Variants in GALNT2 observed in about 807,000 individuals in gnomAD.
The protein encoded by GALNT2 is UDP-GalNAc:polypeptide N-acetylgalactosaminyltransferase 2.
GALNT2 carries 31 observed loss-of-function variants against 81.4 expected under a neutral mutation model. The observed-to-expected ratio is 0.38, with a 90% CI of 0.29 to 0.51. The LOEUF (loss-of-function observed/expected upper bound fraction) is 0.51. Among genes scored for constraint, GALNT2 ranks in the 20% least tolerant of loss-of-function variants. GALNT2 has a pLI of 0.87. For synonymous variants in GALNT2, 303 were observed against 287.4 expected, an observed-to-expected ratio of 1.05 and a Z score of -0.55; for missense variants, 629 against 765.7, an observed-to-expected ratio of 0.82 and a Z score of 2.11.
At chr1:230,071,919 C>T (rs185837765) in intron 1 of GALNT2, among the ~76,000 whole-genome samples, 14 of 152,276 alleles carry the variant, frequency 9.2e-5, no homozygotes, top group South Asian at 4.1e-4. Context: ...GCAAAAGTAA[C>T]GAGCTCTTCC....
intron 1 of GALNT2, among the ~76,000 whole-genome samples, chr1:230,117,441 T>G (rs1660878929): frequency 6.6e-6 from 1 of 152,242 alleles, no homozygotes; most frequent in Non-Finnish European, 1.5e-5. Flanking sequence ...TCACTAAGCT[T>G]AATCATTATC....
chr1:230,246,330 G>A (rs1428872932), intron 8 of GALNT2, among the ~76,000 whole-genome samples, 180 bp downstream of exon 8: 1 of 152,160 alleles, frequency 6.6e-6, no homozygotes, highest in African/African-American at 2.4e-5. Context: ...AAAAAAATAG[G>A]CTTGCTCCCT....
chr1:230,146,932 C>T (rs917184381), intron 1 of GALNT2, among the ~76,000 whole-genome samples: 5 of 152,082 alleles, frequency 3.3e-5, no homozygotes, highest in African/African-American at 1.2e-4. Context: ...TGTCAGATCT[C>T]GGTGTCTGTC....
At chr1:230,236,261 G>A in intron 4 of GALNT2, 92 bp from the exon 5 acceptor site, 1 of 1,417,480 alleles carries the variant, frequency 7.1e-7, no homozygotes, top group Non-Finnish European at 9.9e-7. Context: ...TCCAACCAAG[G>A]GTTAGGACCA....
At chr1:230,121,404 C>A (rs535663581) in intron 1 of GALNT2, among the ~76,000 whole-genome samples, 25 of 152,298 alleles carry the variant, frequency 1.6e-4, no homozygotes, top group African/African-American at 6.0e-4. Context: ...GCTTTCCTGC[C>A]CTCCCCTGTT....
chr1:230,183,223 T>G (rs1418365194), intron 2 of GALNT2, among the ~76,000 whole-genome samples: 2 of 152,232 alleles, frequency 1.3e-5, no homozygotes, highest in Non-Finnish European at 2.9e-5. Flanking sequence ...TTTTCGATTC[T>G]CACAATCTTG....
chr1:230,160,867 G>T (rs967134761), intron 1 of GALNT2, among the ~76,000 whole-genome samples: 3 of 151,820 alleles, frequency 2.0e-5, no homozygotes, highest in East Asian at 3.9e-4. Flanking sequence ...CCCAAATAGG[G>T]TTTTTTTTGG....
At chr1:230,204,306 T>C (rs907258100) in intron 3 of GALNT2, among the ~76,000 whole-genome samples, 1 of 152,056 alleles carries the variant, frequency 6.6e-6, no homozygotes, top group Non-Finnish European at 1.5e-5. Context: ...GTATCTGGAA[T>C]TACAGCTGCC....
chr1:230,186,329 TCTGA>T (rs1253261235), intron 2 of GALNT2, among the ~76,000 whole-genome samples: 1 of 152,150 alleles, frequency 6.6e-6, no homozygotes, highest in African/African-American at 2.4e-5. Flanking sequence ...CTCCAGGAAC[TCTGA>T]CTGGACGCAT....
chr1:230,169,501 T>G (rs976459315), intron 1 of GALNT2, among the ~76,000 whole-genome samples: 6 of 152,218 alleles, frequency 3.9e-5, no homozygotes, highest in African/African-American at 1.4e-4. Context: ...CCGATGGCCA[T>G]TTCATCTGTG....
At chr1:230,178,482 G>T (rs375078327) in intron 2 of GALNT2, among the ~76,000 whole-genome samples, 171 bp downstream of exon 2, 2 of 151,874 alleles carry the variant, frequency 1.3e-5, no homozygotes, top group East Asian at 3.9e-4. Context: ...ATTAGTGGGT[G>T]GTCAAGTTAA....
In GALNT2 at chr1:230,070,506, C is replaced by T. The variant is rs1256212495; in HGVS notation, c.126+3100C>T. On this transcript the variant is annotated intron_variant, in intron 1 of 15. Transcript: ENST00000366672. The surrounding 1 kb of genome is among the most constrained non-coding windows in gnomAD (Gnocchi z 4.7). ...CTGTAAGAGTGTGTGGAGCCTGAGA[C>T]CCCTTGCCTGTGTGCCTGCATGCTG... is the stretch of plus-strand genomic sequence containing the variant. Among the ~76,000 whole-genome samples the T allele has an allele frequency of 8.6e-5, 13 of 152,034 alleles. No individual in the cohort carries two copies. Among genetic ancestry groups the T allele is most frequent in the Non-Finnish European group, 5.9e-5 (4 of 67,998 alleles).
At chr1:230,093,603 C>G (rs767846745) in intron 1 of GALNT2, among the ~76,000 whole-genome samples, 6 of 152,162 alleles carry the variant, frequency 3.9e-5, no homozygotes, top group African/African-American at 1.4e-4. Context: ...CACCCTGGGC[C>G]GTTTACTGGC....
chr1:230,226,088 C>T (rs1391267885), intron 3 of GALNT2, among the ~76,000 whole-genome samples: 2 of 152,210 alleles, frequency 1.3e-5, no homozygotes, highest in African/African-American at 4.8e-5. Flanking sequence ...GAGGAGCATG[C>T]GCCCAGCCTG....
intron 2 of GALNT2, among the ~76,000 whole-genome samples, chr1:230,195,252 C>T (rs1422746312): frequency 2.6e-5 from 4 of 152,178 alleles, no homozygotes; most frequent in African/African-American, 9.7e-5. Flanking sequence ...ACCATTGTCT[C>T]TGTGTTTGTT....
chr1:230,245,420 C>T (rs999641580), intron 7 of GALNT2, among the ~76,000 whole-genome samples: 7 of 151,652 alleles, frequency 4.6e-5, no homozygotes, highest in Admixed American at 2.0e-4. Context: ...GCCAAGATCA[C>T]GCCATTGCAC....
At chr1:230,202,857 G>C (rs1663942808) in intron 2 of GALNT2, among the ~76,000 whole-genome samples, 1 of 152,236 alleles carries the variant, frequency 6.6e-6, no homozygotes, top group South Asian at 2.1e-4. Flanking sequence ...TGATGCCACA[G>C]TTACAGGTAC....
intron 1 of GALNT2, among the ~76,000 whole-genome samples, chr1:230,089,076 A>G (rs928967329): frequency 1.1e-4 from 16 of 151,966 alleles, no homozygotes; most frequent in Admixed American, 9.2e-4. Context: ...GCATGTATCA[A>G]CTTTCCCCCC....
chr1:230,263,657 G>T (rs778163357), intron 13 of GALNT2: 5 of 152,390 alleles, frequency 3.3e-5, no homozygotes, highest in Admixed American at 6.5e-5. Context: ...TGATAACCTC[G>T]TGAGAAGACC....
Sources: gnomAD v4.1 joint callset for allele counts (sites outside exome capture counted in the v4.1 genomes callset) on GRCh38, gnomAD v4.1.1 for gene constraint, Gnocchi (gnomAD v3.1) non-coding constraint, MANE v1.5 for transcripts, NCBI Gene and HGNC (gene_info 2026-07-23, HGNC 2026-07-21) for gene names.